The following MAGI2 variants were observed in gnomAD, a reference collection of about 807,000 sequenced individuals.
MAGI2 encodes the protein membrane associated guanylate kinase, WW and PDZ domain containing 2.
In MAGI2, 35 loss-of-function variants were observed where a neutral mutation model predicts 133.3. The ratio of observed to expected loss-of-function variants is 0.26; its 90% CI spans 0.20 to 0.35. The LOEUF is 0.35. Ranked by LOEUF, MAGI2 falls within the 10% of genes least tolerant of loss-of-function variation. MAGI2 has a pLI of 1.00. For synonymous variants in MAGI2, 729 were observed against 710.6 expected (o/e 1.03, Z -0.41); for missense variants, 1,636 against 1,863.4 (o/e 0.88, Z 2.25).
intron 1 of MAGI2, among the ~76,000 whole-genome samples, chr7:79,350,853 A>G (rs898159733): frequency 5.3e-5 from 8 of 152,178 alleles, no homozygotes; most frequent in Admixed American, 5.2e-4. Flanking sequence ...GTTTAAGAAA[A>G]GGACCTCAAA....
chr7:78,935,147 T>C (rs371510248), intron 2 of MAGI2, among the ~76,000 whole-genome samples: 4 of 152,296 alleles, frequency 2.6e-5, no homozygotes, highest in South Asian at 2.1e-4. Flanking sequence ...ATACCAAAAA[T>C]ATTTAAATGA....
intron 2 of MAGI2, among the ~76,000 whole-genome samples, chr7:78,745,518 A>G (rs1822844905): frequency 6.6e-6 from 1 of 151,866 alleles, no homozygotes; most frequent in Non-Finnish European, 1.5e-5. Flanking sequence ...ATTGAAATAT[A>G]GTTGATCTTG....
At chr7:79,007,504 T>C (rs755195775) in intron 1 of MAGI2, among the ~76,000 whole-genome samples, 3 of 152,110 alleles carry the variant, frequency 2.0e-5, no homozygotes, top group Non-Finnish European at 2.9e-5. Context: ...TACTGAAATA[T>C]TATAGTACAT....
At chr7:78,426,002 T>C (rs1028100398) in intron 6 of MAGI2, among the ~76,000 whole-genome samples, 4 of 152,046 alleles carry the variant, frequency 2.6e-5, no homozygotes, top group African/African-American at 9.7e-5. Context: ...GAAAAATCAG[T>C]CAACAGACAT....
intron 6 of MAGI2, among the ~76,000 whole-genome samples, chr7:78,395,662 C>G (rs1033415907): frequency 2.6e-5 from 4 of 152,306 alleles, no homozygotes; most frequent in Non-Finnish European, 5.9e-5. Context: ...TTTGAATTAA[C>G]TTGGAATGCT....
At chr7:78,669,436 A>G (rs1000294159) in intron 2 of MAGI2, among the ~76,000 whole-genome samples, 2 of 152,140 alleles carry the variant, frequency 1.3e-5, no homozygotes, top group Non-Finnish European at 2.9e-5. Context: ...TCAATAGCTT[A>G]CCAGCCAAAA....
At chr7:79,113,077 T>C (rs1282855222) in intron 1 of MAGI2, among the ~76,000 whole-genome samples, 1 of 152,252 alleles carries the variant, frequency 6.6e-6, no homozygotes, top group African/African-American at 2.4e-5. Flanking sequence ...TGGCAGATTG[T>C]CATATAGACT....
chr7:78,601,659 T>C (rs1163356159), intron 3 of MAGI2, among the ~76,000 whole-genome samples: 1 of 152,150 alleles, frequency 6.6e-6, no homozygotes, highest in Non-Finnish European at 1.5e-5. Context: ...GGTAATTCGA[T>C]GGCTCAATGT....
At chr7:79,243,343 T>A (rs1007963243) in intron 1 of MAGI2, among the ~76,000 whole-genome samples, 2 of 152,218 alleles carry the variant, frequency 1.3e-5, no homozygotes, top group Non-Finnish European at 2.9e-5. Flanking sequence ...TAATTTTACT[T>A]GTTTTTAAAT....
intron 4 of MAGI2, among the ~76,000 whole-genome samples, chr7:78,504,655 T>C (rs1173245586): frequency 1.3e-5 from 2 of 152,156 alleles, no homozygotes; most frequent in African/African-American, 4.8e-5. Context: ...ACACAGACTT[T>C]GAGTTATCTT....
intron 1 of MAGI2, among the ~76,000 whole-genome samples, chr7:79,063,189 T>C (rs1297108389): frequency 6.6e-6 from 1 of 152,104 alleles, no homozygotes; most frequent in African/African-American, 2.4e-5. Context: ...TACTTACTCA[T>C]TGCAATCTGC....
intron 1 of MAGI2, among the ~76,000 whole-genome samples, chr7:79,380,191 A>G (rs1843681755): frequency 6.6e-6 from 1 of 151,870 alleles, no homozygotes; most frequent in Admixed American, 6.6e-5. Flanking sequence ...AAAAGAAACT[A>G]CCATCAGAGT....
chr7:78,987,595 A>T (rs1191387308), intron 2 of MAGI2, among the ~76,000 whole-genome samples: 3 of 152,098 alleles, frequency 2.0e-5, no homozygotes, highest in Non-Finnish European at 4.4e-5. Context: ...CAAAAGAGAC[A>T]ATAAAAAATT....
chr7:78,024,675 C>T (rs951096074), intron 21 of MAGI2, among the ~76,000 whole-genome samples: 1 of 152,228 alleles, frequency 6.6e-6, no homozygotes, highest in Non-Finnish European at 1.5e-5. Context: ...CCAATGTGGG[C>T]TGCTGAAGAC....
chr7:79,068,586 C>A (rs554382066), intron 1 of MAGI2, among the ~76,000 whole-genome samples: 39 of 152,134 alleles, frequency 2.6e-4, no homozygotes, highest in African/African-American at 8.7e-4. Flanking sequence ...GTGTGTATCT[C>A]TTTCCATTCT....
rs1363928549 is a variant in MAGI2 at position 79,376,126 on chromosome 7, A to C, written c.301+76894T>G. On this transcript the variant is annotated intron_variant, in intron 1 of 21. Transcript: ENST00000354212. ...TGAATTAATCTTATTGTATATGTTT[A>C]TATAGTAGTTCCCCTTATCATTGGG... Among the ~76,000 whole-genome samples, 3 of 151,856 alleles carry C rather than the reference A, an allele frequency of 2.0e-5. No individual in the cohort carries two copies. In the South Asian group the frequency reaches 6.2e-4, roughly 31 times the overall value.
At chr7:78,590,548 A>G (rs1803890987) in intron 3 of MAGI2, among the ~76,000 whole-genome samples, 1 of 152,226 alleles carries the variant, frequency 6.6e-6, no homozygotes, top group African/African-American at 2.4e-5. Flanking sequence ...ATAAAAGGGA[A>G]AGACCAGATA....
chr7:78,168,069 T>C lies in MAGI2; in HGVS notation c.2443A>G (p.Arg815Gly). ...TCTCCTGGGTGAAGGCGGCCATCTCTGTCGGCTGAGCCCATGGCAATGACA... is the reference window on the plus strand; with the variant it reads ...TCTCCTGGGTGAAGGCGGCCATCTCCGTCGGCTGAGCCCATGGCAATGACA... ...GAVIAMGSADRDGRLHPGDEL... is the reference protein window; with the variant it reads ...GAVIAMGSADGDGRLHPGDEL... The change falls in exon 15 of 22, where the codon AGA becomes GGA. Residue 815 changes from arginine (R) to glycine (G), a missense_variant. Arg to Gly is a moderately radical substitution (Grantham distance 125). Coordinates refer to ENST00000354212, the MANE Select transcript of MAGI2 (RefSeq NM_012301.4). The C allele has an allele frequency of 6.2e-7, 1 of 1,614,076 alleles. No individual in the cohort carries two copies. Among genetic ancestry groups the C allele is most frequent in the Non-Finnish European group, 8.5e-7 (1 of 1,180,002 alleles).
chr7:78,518,559 A>T (rs558260515), intron 4 of MAGI2: 1 of 152,210 alleles, frequency 6.6e-6, no homozygotes, highest in Non-Finnish European at 1.5e-5. Flanking sequence ...TATTACTATT[A>T]TCAATATTCC....
Sources: gnomAD v4.1 joint callset for allele counts (sites outside exome capture counted in the v4.1 genomes callset) on GRCh38, gnomAD v4.1.1 for gene constraint, MANE v1.5 for transcripts, NCBI Gene and HGNC (gene_info 2026-07-23, HGNC 2026-07-21) for gene names.